Variants in FSTL5 observed in about 807,000 individuals in gnomAD.
The protein encoded by FSTL5 is follistatin-related protein 5.
A neutral mutation model predicts 89.1 loss-of-function variants in FSTL5; 62 were observed. The observed-to-expected ratio is 0.70, with a 90% CI of 0.57 to 0.86. The LOEUF (loss-of-function observed/expected upper bound fraction) is 0.86, where lower values mean the gene tolerates loss of function less well. Among genes scored for constraint, FSTL5 ranks in the 40% least tolerant of loss-of-function variants. FSTL5 has a pLI of 0.00. For missense variants in FSTL5, 1,057 were observed against 1,001.6 expected (o/e 1.06, Z -0.75); for synonymous variants, 383 against 346.2 (o/e 1.11, Z -1.18).
chr4:161,526,780 G>T (rs1731234778), intron 10 of FSTL5, among the ~76,000 whole-genome samples: 1 of 152,020 alleles, frequency 6.6e-6, no homozygotes, highest in African/African-American at 2.4e-5. Flanking sequence ...TATTTCTGAG[G>T]GCTCTGTTCT....
intron 7 of FSTL5, among the ~76,000 whole-genome samples, chr4:161,625,659 T>A (rs1735291518): frequency 1.3e-5 from 2 of 152,062 alleles, no homozygotes; most frequent in Admixed American, 6.6e-5. Flanking sequence ...GTCACACACC[T>A]CTCATTTTAA....
At chr4:161,834,838 G>A (rs183357454) in intron 4 of FSTL5, among the ~76,000 whole-genome samples, 91 of 152,072 alleles carry the variant, frequency 6.0e-4, no homozygotes, top group South Asian at 3.1e-3. Context: ...CATGCTCATA[G>A]GGTAGGAAGA....
chr4:161,787,992 T>A (rs1361460567), intron 4 of FSTL5, among the ~76,000 whole-genome samples: 3 of 152,164 alleles, frequency 2.0e-5, no homozygotes, highest in Admixed American at 1.3e-4. Context: ...AAATTTCTGA[T>A]GTCAGTAGGG....
chr4:161,955,066 T>A (rs1734993176), intron 3 of FSTL5, among the ~76,000 whole-genome samples: 1 of 151,674 alleles, frequency 6.6e-6, no homozygotes, highest in South Asian at 2.1e-4. Flanking sequence ...TTTACTCTTA[T>A]AAGACTTTTG....
intron 2 of FSTL5, among the ~76,000 whole-genome samples, chr4:162,045,189 A>C (rs1288225722): frequency 6.6e-6 from 1 of 152,126 alleles, no homozygotes; most frequent in African/African-American, 2.4e-5. Context: ...GAGACATACA[A>C]TTCTTCCTTT....
intron 6 of FSTL5, among the ~76,000 whole-genome samples, chr4:161,661,119 ATAT>A (rs576103624): frequency 1.0e-3 from 159 of 152,326 alleles, no homozygotes; most frequent in African/African-American, 3.7e-3. Flanking sequence ...AAAAAACGAA[ATAT>A]TATGAATATT....
chr4:161,983,736 C>T (rs1195874626), intron 3 of FSTL5, among the ~76,000 whole-genome samples: 2 of 152,084 alleles, frequency 1.3e-5, no homozygotes, highest in Admixed American at 1.3e-4. Context: ...TTCAATATGT[C>T]TCTCACCAAA....
At chr4:161,957,322 C>T (rs576297506) in intron 3 of FSTL5, among the ~76,000 whole-genome samples, 2 of 152,126 alleles carry the variant, frequency 1.3e-5, no homozygotes, top group East Asian at 3.9e-4. Flanking sequence ...TAGACTCCTA[C>T]ACAAACCTTT....
At chr4:162,127,086 G>A (rs1032394) in intron 1 of FSTL5, among the ~76,000 whole-genome samples, 116,646 of 151,958 alleles carry the variant, frequency 0.77, 45,168 homozygotes, top group Non-Finnish European at 0.83. Context: ...AATCAATACT[G>A]TCCTAGTCCC....
At chr4:161,675,817 A>G (rs532146709) in intron 6 of FSTL5, among the ~76,000 whole-genome samples, 107 of 152,206 alleles carry the variant, frequency 7.0e-4, no homozygotes, top group African/African-American at 2.4e-3. Context: ...AAAAATTGTT[A>G]ATGTATATCT....
chr4:161,596,908 C>T (rs1042095665), intron 7 of FSTL5, among the ~76,000 whole-genome samples: 1 of 151,580 alleles, frequency 6.6e-6, no homozygotes, highest in African/African-American at 2.4e-5. Flanking sequence ...TTGTTTGAGT[C>T]CTTTGTAGAT....
chr4:161,956,857 T>C (rs1345921171), intron 3 of FSTL5, among the ~76,000 whole-genome samples: 2 of 152,032 alleles, frequency 1.3e-5, no homozygotes, highest in African/African-American at 4.8e-5. Context: ...CTGATATTGA[T>C]AATGCTCATT....
At chr4:161,977,633 A>ATAATAAT (rs751132063) in intron 3 of FSTL5, among the ~76,000 whole-genome samples, 13,876 of 112,506 alleles carry the variant, frequency 0.12, 1,039 homozygotes, top group Admixed American at 0.21. Flanking sequence ...AAAAAAAAAA[A>ATAATAAT]AAAAAAAATA....
At chr4:162,014,101 C>T (rs906221339) in intron 3 of FSTL5, among the ~76,000 whole-genome samples, 4 of 152,116 alleles carry the variant, frequency 2.6e-5, no homozygotes, top group Non-Finnish European at 2.9e-5. Context: ...CTTGCTCCAC[C>T]CTGCATCTGT....
intron 14 of FSTL5, among the ~76,000 whole-genome samples, chr4:161,456,489 T>A (rs1363258310): frequency 6.6e-6 from 1 of 152,210 alleles, no homozygotes; most frequent in East Asian, 1.9e-4. Context: ...AAGAAAAAGA[T>A]AAGTAGAATT....
intron 11 of FSTL5, among the ~76,000 whole-genome samples, chr4:161,509,819 G>A (rs1033671834): frequency 1.2e-4 from 18 of 152,106 alleles, no homozygotes; most frequent in Admixed American, 3.9e-4. Context: ...AGGAAAACCA[G>A]TAACAACTGC....
chr4:161,389,932 C>T (rs1217650068), intron 15 of FSTL5, among the ~76,000 whole-genome samples: 2 of 151,826 alleles, frequency 1.3e-5, no homozygotes, highest in Non-Finnish European at 2.9e-5. Context: ...ATTCTTACAA[C>T]GTTAAAAATA....
Position 161,874,566 on chromosome 4 carries a change from A to ATTT in FSTL5, c.409+45835_409+45837dup, listed in dbSNP as rs375519679. Reference sequence around the variant, plus strand: ...AGCTTCCTTCCAGAATATATTTTAGATTTTTTTTTTTTTTTACTTTCTTAC... The same window carrying ATTT: ...AGCTTCCTTCCAGAATATATTTTAGATTTTTTTTTTTTTTTTTTACTTTCTTAC... On this transcript the variant is annotated intron_variant, in intron 4 of 15. Transcript: ENST00000306100. Among the ~76,000 whole-genome samples the ATTT allele has an allele frequency of 6.5e-3, 877 of 135,646 alleles. 31 individuals carry two copies. The highest frequency in any genetic ancestry group is 0.013 in the East Asian group (61 of 4,606). 89.0% of individuals were successfully genotyped at this position (135,646 alleles called of 152,430 possible). A position where few individuals can be genotyped will look rare whatever the true frequency, so the allele number is the denominator to read the frequency against.
At chr4:161,589,922 A>T (rs984946639) in intron 7 of FSTL5, among the ~76,000 whole-genome samples, 1 of 151,954 alleles carries the variant, frequency 6.6e-6, no homozygotes, top group Admixed American at 6.6e-5. Flanking sequence ...AGAGTTGTGA[A>T]CTATATAGGA....
Sources: gnomAD v4.1 joint callset for allele counts (sites outside exome capture counted in the v4.1 genomes callset) on GRCh38, gnomAD v4.1.1 for gene constraint, MANE v1.5 for transcripts, NCBI Gene and HGNC (gene_info 2026-07-23, HGNC 2026-07-21) for gene names.